The following SLC44A2 variants were observed in gnomAD, a reference collection of about 807,000 sequenced individuals.
The protein encoded by SLC44A2 is solute carrier family 44 member 2 (CTL2 blood group).
Under a neutral mutation model 90.8 loss-of-function variants are expected in SLC44A2, and 57 were observed. The observed-to-expected ratio is 0.63, with a 90% CI of 0.51 to 0.78. SLC44A2 has a LOEUF of 0.78. Ranked by LOEUF, SLC44A2 falls within the 30% of genes least tolerant of loss-of-function variation. The pLI, the probability that SLC44A2 is intolerant of heterozygous loss-of-function variation, is 0.00. For missense variants in SLC44A2, 794 were observed against 919.7 expected (o/e 0.86, Z 1.77); for synonymous variants, 355 against 360.7 (o/e 0.98, Z 0.18).
chr19:10,617,376 C>A (rs1226532779), intron 1 of SLC44A2, among the ~76,000 whole-genome samples: 3 of 152,164 alleles, frequency 2.0e-5, no homozygotes, highest in African/African-American at 7.2e-5. Context: ...CTAATGGAAC[C>A]CATCACAAGA....
intron 10 of SLC44A2, among the ~76,000 whole-genome samples, chr19:10,634,278 G>A (rs1370995861): frequency 4.1e-5 from 6 of 147,124 alleles, no homozygotes; most frequent in African/African-American, 1.0e-4. Context: ...GTGAGCCACC[G>A]CGCCCGGCCA....
intron 20 of SLC44A2, among the ~76,000 whole-genome samples, chr19:10,640,518 C>G (rs1165825856): frequency 6.6e-6 from 1 of 152,090 alleles, no homozygotes; most frequent in African/African-American, 2.4e-5. Context: ...GTCTTGAACT[C>G]TGGACTCAAG....
In SLC44A2 at chr19:10,636,433, C is replaced by A. The variant is rs751245384; in HGVS notation, c.1344C>A (p.Phe448Leu). 6.2e-7 allele frequency: 1 copy of A among 1,614,094 alleles called. No homozygotes were observed. The highest frequency in any genetic ancestry group is 1.1e-5 in the South Asian group (1 of 91,082). Residue 448 changes from phenylalanine to leucine, a missense_variant, in exon 15 of 22, where the codon TTC becomes TTA. Transcript: ENST00000335757. ...GGGCCCTGCTGGGCCTGCAGATCTT[C>A]AATGCCTTCATGTTCTTCTGGTTGG... The part of the protein sequence containing the change: ...YHRALLGLQI[F>L]NAFMFFWLAN...
intron 1 of SLC44A2, among the ~76,000 whole-genome samples, chr19:10,610,679 G>A (rs1918273675): frequency 2.4e-5 from 2 of 81,656 alleles, no homozygotes; most frequent in Non-Finnish European, 2.2e-5. Context: ...CACTCTTGTT[G>A]CCCAGGCTGG....
Position 10,636,761 on chromosome 19 carries a change from G to A in SLC44A2, c.1591+5G>A, listed in dbSNP as rs1418460798. On this transcript the variant is annotated splice_donor_5th_base_variant and intron_variant, in intron 16 of 21. Transcript: ENST00000335757. Reference sequence around the variant, plus strand: ...ACCTGGATCAGCGGCTGAAAGGTACGTCCCACCCACGGTTCGCATTAGCTC... The same window carrying A: ...ACCTGGATCAGCGGCTGAAAGGTACATCCCACCCACGGTTCGCATTAGCTC... 1 of 1,612,650 alleles carries A rather than the reference G, an allele frequency of 6.2e-7. No homozygotes were observed. The highest frequency in any genetic ancestry group is 1.1e-5 in the South Asian group (1 of 90,834).
intron 1 of SLC44A2, among the ~76,000 whole-genome samples, chr19:10,617,877 C>G (rs897142718): frequency 6.6e-6 from 1 of 152,334 alleles, no homozygotes; most frequent in East Asian, 1.9e-4. Context: ...ACTTCCGGTA[C>G]TCCCTTGTCT....
chr19:10,602,517 G>A (rs1357981910), exon 1 of SLC44A2: 5 of 1,270,110 alleles, frequency 3.9e-6, no homozygotes, highest in East Asian at 6.3e-5. Flanking sequence ...TCCGCTCCCC[G>A]CCCCGCCGCG....
At chr19:10,622,245 GGGA>G (rs1393287265), upstream of SLC44A2, among the ~76,000 whole-genome samples, 1 of 152,134 alleles carries the variant, frequency 6.6e-6, no homozygotes. Flanking sequence ...GAGAGAGAGA[GGGA>G]GGAGGTGAGG....
intron 16 of SLC44A2, chr19:10,636,984 A>T: frequency 1.8e-6 from 1 of 547,060 alleles, no homozygotes; most frequent in Non-Finnish European, 3.2e-6. Flanking sequence ...GGACAGGCCC[A>T]AGAGGCCTGG....
intron 14 of SLC44A2, chr19:10,635,773 C>CTTTTT (rs773477557): frequency 1.9e-5 from 4 of 206,034 alleles, no homozygotes; most frequent in African/African-American, 5.7e-5. Context: ...TCCCTACTTC[C>CTTTTT]TTTTTTTTTT....
In SLC44A2 at chr19:10,643,673, A is replaced by G; in HGVS notation, c.*288A>G. On this transcript the variant is annotated 3_prime_UTR_variant, in exon 22 of 22. Coordinates refer to ENST00000335757, the MANE Select transcript of SLC44A2 (RefSeq NM_020428.4). ...GATGGCACGTGGCCCGACCTCCACA[A>G]GCTCCCTCATGCTTCCTGTCCCCCG... The G allele has an allele frequency of 3.6e-6, 1 of 281,100 alleles. No individual in the cohort carries two copies. The highest frequency in any genetic ancestry group is 6.9e-6 in the Non-Finnish European group (1 of 145,268). 17.4% of individuals were successfully genotyped at this position (281,100 alleles called of 1,614,324 possible).
At chr19:10,610,622 C>T (rs1458663129) in intron 1 of SLC44A2, among the ~76,000 whole-genome samples, 7 of 139,250 alleles carry the variant, frequency 5.0e-5, no homozygotes, top group African/African-American at 2.0e-4. Flanking sequence ...CGTGAGCCAC[C>T]GCGCCTGGCT....
At position 10,642,434 on chromosome 19, in the gene SLC44A2, C is replaced by G; in HGVS notation, c.1997C>G (p.Thr666Arg). ...AGCGTCTATGGCATGTGTGTGGACACGCTGTTCCTCTGCTTCTGTGAGTGA... is the reference window on the plus strand; with the variant it reads ...AGCGTCTATGGCATGTGTGTGGACAGGCTGTTCCTCTGCTTCTGTGAGTGA... The part of the protein sequence containing the change: ...FFSVYGMCVD[T>R]LFLCFLEDLE... The change falls in exon 21 of 22, where the codon ACG (threonine) becomes AGG (arginine). Residue 666 changes from threonine (T) to arginine (R), a missense_variant. This residue lies in a region of SLC44A2 where 12 missense variants were observed against 34.7 expected (regional missense o/e 0.35). Coordinates refer to ENST00000335757, the MANE Select transcript of SLC44A2 (RefSeq NM_020428.4). The G allele has an allele frequency of 6.2e-7, 1 of 1,614,120 alleles. No homozygotes were observed. Among genetic ancestry groups the G allele is most frequent in the Non-Finnish European group, 8.5e-7 (1 of 1,180,004 alleles).
intron 1 of SLC44A2, among the ~76,000 whole-genome samples, chr19:10,611,723 G>A (rs547538268): frequency 6.9e-4 from 105 of 152,164 alleles, no homozygotes; most frequent in Middle Eastern, 6.8e-3. Context: ...TCTGGAGGGT[G>A]AGGTGGGAGG....
intron 4 of SLC44A2, among the ~76,000 whole-genome samples, chr19:10,629,554 G>A (rs931058627): frequency 6.7e-6 from 1 of 149,842 alleles, no homozygotes; most frequent in African/African-American, 2.5e-5. Flanking sequence ...CTGGTATTAC[G>A]GGTGTGAGCC....
At chr19:10,636,792 G>T in intron 16 of SLC44A2, 36 bp downstream of exon 16, 1 of 1,589,182 alleles carries the variant, frequency 6.3e-7, no homozygotes, top group Non-Finnish European at 8.6e-7. Context: ...AGCTCCTGTT[G>T]CGGGGCGAGG....
chr19:10,642,550 C>G (rs2065273512), intron 21 of SLC44A2, 99 bp downstream of exon 21: 1 of 1,115,596 alleles, frequency 9.0e-7, no homozygotes, highest in African/African-American at 1.5e-5. Context: ...TTGCCTGCCC[C>G]CAGCTTCCCC....
At chr19:10,632,237 G>A (rs2067004860) in intron 10 of SLC44A2, 81 bp downstream of exon 10, 20 of 1,352,646 alleles carry the variant, frequency 1.5e-5, no homozygotes, top group Admixed American at 9.3e-5. Context: ...GGCCCATCAG[G>A]AAAACAAAAA....
At chr19:10,623,793 G>A (rs985901628), upstream of SLC44A2, among the ~76,000 whole-genome samples, 3 of 151,426 alleles carry the variant, frequency 2.0e-5, no homozygotes, top group Non-Finnish European at 2.9e-5. Context: ...AGGTTCAAAC[G>A]ATTCTCCTAC....
Sources: gnomAD v4.1 joint callset for allele counts (sites outside exome capture counted in the v4.1 genomes callset) on GRCh38, gnomAD v4.1.1 for gene constraint, gnomAD v4.1.1 regional missense constraint, MANE v1.5 for transcripts, NCBI Gene and HGNC (gene_info 2026-07-23, HGNC 2026-07-21) for gene names.